The following NBEA variants were observed in gnomAD, a reference collection of about 807,000 sequenced individuals.
The protein encoded by NBEA is lysosomal-trafficking regulator 2.
A neutral mutation model predicts 343.4 loss-of-function variants in NBEA; 44 were observed. The observed-to-expected ratio is 0.13, with a 90% confidence interval of 0.10 to 0.16. NBEA has a LOEUF of 0.16. NBEA is among the 10% of genes least tolerant of loss of function. The pLI, the probability that NBEA is intolerant of heterozygous loss-of-function variation, is 1.00. For missense variants in NBEA, 2,555 were observed against 3,631.3 expected, an observed-to-expected ratio of 0.70 and a Z score of 7.62; for synonymous variants, 1,175 against 1,238.7, an observed-to-expected ratio of 0.95 and a Z score of 1.08.
At chr13:35,290,682 A>G (rs1355152630) in intron 35 of NBEA, among the ~76,000 whole-genome samples, 1 of 150,504 alleles carries the variant, frequency 6.6e-6, no homozygotes, top group Non-Finnish European at 1.5e-5. Context: ...TAGCAGTATT[A>G]TTCTCCTACC....
chr13:35,160,834 C>G (rs1213290072), intron 22 of NBEA, among the ~76,000 whole-genome samples: 1 of 152,044 alleles, frequency 6.6e-6, no homozygotes, highest in African/African-American at 2.4e-5. Context: ...ATAAATAATA[C>G]CTTATGGTTA....
chr13:35,461,443 ATAAC>A (rs1266651302), intron 40 of NBEA, among the ~76,000 whole-genome samples: 1 of 152,224 alleles, frequency 6.6e-6, no homozygotes, highest in African/African-American at 2.4e-5. Flanking sequence ...GGGGCAATAA[ATAAC>A]TAACTTACCA....
intron 11 of NBEA, among the ~76,000 whole-genome samples, chr13:35,100,467 G>A (rs1436529138): frequency 1.3e-5 from 2 of 151,932 alleles, no homozygotes; most frequent in African/African-American, 2.4e-5. Context: ...TTTAGAAGAT[G>A]TATGATAAGC....
intron 1 of NBEA, among the ~76,000 whole-genome samples, chr13:34,998,676 T>G (rs2061020160): frequency 6.6e-6 from 1 of 152,228 alleles, no homozygotes; most frequent in African/African-American, 2.4e-5. Flanking sequence ...AGTCAGAGTT[T>G]AAGGTTATCT....
intron 7 of NBEA, 61 bp downstream of exon 7, chr13:35,056,190 A>G (rs2063252039): frequency 7.6e-7 from 1 of 1,320,346 alleles, no homozygotes. Flanking sequence ...TATCATTACA[A>G]TATGAATTAA....
At chr13:35,357,181 A>T (rs373656816) in intron 38 of NBEA, among the ~76,000 whole-genome samples, 1 of 151,684 alleles carries the variant, frequency 6.6e-6, no homozygotes, top group African/African-American at 2.4e-5. Context: ...TAGTTTTGAT[A>T]CTTTCCACAT....
At chr13:35,588,789 T>A (rs1215881989) in intron 46 of NBEA, among the ~76,000 whole-genome samples, 1 of 152,166 alleles carries the variant, frequency 6.6e-6, no homozygotes, top group Non-Finnish European at 1.5e-5. Flanking sequence ...TAAATCTTTT[T>A]CCCTGGCTTG....
intron 1 of NBEA, among the ~76,000 whole-genome samples, chr13:35,016,259 A>G (rs2061653199): frequency 6.7e-6 from 1 of 150,344 alleles, no homozygotes; most frequent in Non-Finnish European, 1.5e-5. Flanking sequence ...ATGTATACAT[A>G]GTGTGTGTAT....
chr13:35,245,067 A>T (rs2030970021), intron 34 of NBEA, among the ~76,000 whole-genome samples: 1 of 152,064 alleles, frequency 6.6e-6, no homozygotes, highest in Non-Finnish European at 1.5e-5. Flanking sequence ...ACCAATTTAG[A>T]TGCCCTTTAT....
intron 38 of NBEA, among the ~76,000 whole-genome samples, chr13:35,387,479 T>C (rs2042297302): frequency 6.6e-6 from 1 of 152,184 alleles, no homozygotes; most frequent in Admixed American, 6.6e-5. Context: ...TAACTTGATA[T>C]GCTTTATTAC....
intron 5 of NBEA, 71 bp downstream of exon 5, chr13:35,048,755 G>T: frequency 1.2e-6 from 1 of 856,790 alleles, no homozygotes; most frequent in Non-Finnish European, 1.8e-6. Flanking sequence ...TAGTCTCAAG[G>T]CAACTTAGAT....
At chr13:35,138,488 T>C (rs2152691937) in intron 17 of NBEA, among the ~76,000 whole-genome samples, 1 of 151,314 alleles carries the variant, frequency 6.6e-6, no homozygotes, top group African/African-American at 2.4e-5. Context: ...GAGATGGAGT[T>C]TTGCTCTGTC....
intron 1 of NBEA, among the ~76,000 whole-genome samples, chr13:34,987,581 A>C (rs1237026653): frequency 6.6e-6 from 1 of 150,906 alleles, no homozygotes; most frequent in Non-Finnish European, 1.5e-5. Flanking sequence ...TAAGATCCTG[A>C]AGAGTATTTT....
intron 58 of NBEA, among the ~76,000 whole-genome samples, chr13:35,668,931 G>T (rs1374324804): frequency 6.6e-6 from 1 of 152,220 alleles, no homozygotes; most frequent in Non-Finnish European, 1.5e-5. Flanking sequence ...CCAGCAAAGT[G>T]CATAGTGTGG....
intron 34 of NBEA, among the ~76,000 whole-genome samples, chr13:35,266,176 CA>C (rs892310019): frequency 1.3e-5 from 2 of 151,332 alleles, no homozygotes; most frequent in Admixed American, 6.6e-5. Context: ...TAAATATTAC[CA>C]AAAAGATAAT....
chr13:35,057,543 C>T (rs891517946), intron 7 of NBEA, among the ~76,000 whole-genome samples: 57 of 152,054 alleles, frequency 3.7e-4, no homozygotes, highest in African/African-American at 1.3e-3. Flanking sequence ...TTATAGAAAA[C>T]GTTACTTTTC....
intron 1 of NBEA, among the ~76,000 whole-genome samples, chr13:34,980,965 G>A (rs941732311): frequency 2.0e-5 from 3 of 151,984 alleles, no homozygotes; most frequent in African/African-American, 4.8e-5. Context: ...CGTGTTTTTA[G>A]CATACAATTC....
At chr13:35,657,876 A>C (rs989940741) in intron 55 of NBEA, among the ~76,000 whole-genome samples, 4 of 152,168 alleles carry the variant, frequency 2.6e-5, no homozygotes, top group African/African-American at 9.6e-5. Context: ...AAAAGCTGCC[A>C]TCTGGTAGCT....
At chr13:35,274,295 C>T (rs999004176) in intron 34 of NBEA, among the ~76,000 whole-genome samples, 5 of 152,106 alleles carry the variant, frequency 3.3e-5, no homozygotes, top group Middle Eastern at 3.2e-3. Flanking sequence ...CAGAAAAGGC[C>T]GTTAACAAAA....
Sources: gnomAD v4.1 joint callset for allele counts (sites outside exome capture counted in the v4.1 genomes callset) on GRCh38, gnomAD v4.1.1 for gene constraint, MANE v1.5 for transcripts, NCBI Gene and HGNC (gene_info 2026-07-23, HGNC 2026-07-21) for gene names.